Variants in CYP19A1 observed in about 807,000 individuals in gnomAD.
CYP19A1 encodes the protein cytochrome P450 family 19 subfamily A member 1, also known as aromatase.
A neutral mutation model predicts 44.4 loss-of-function variants in CYP19A1; 32 were observed. That is an observed-to-expected ratio of 0.72 (90% CI 0.54 to 0.97). The LOEUF is 0.97. CYP19A1 is among the 50% of genes least tolerant of loss of function. The pLI is 0.00. For missense variants in CYP19A1, 598 were observed against 637.8 expected, an observed-to-expected ratio of 0.94 and a Z score of 0.67; for synonymous variants, 212 against 215.6, an observed-to-expected ratio of 0.98 and a Z score of 0.14.
chr15:51,210,532 G>A lies in CYP19A1; in HGVS notation c.*276C>T. 3.4e-6 allele frequency: 2 copies of A among 594,596 alleles called. No homozygotes were observed. Among genetic ancestry groups the A allele is most frequent in the South Asian group, 3.0e-5 (2 of 65,736 alleles). The allele number at this position is 594,596 out of a possible 1,614,324, so 36.8% of individuals were successfully genotyped here. A position where few individuals can be genotyped will look rare whatever the true frequency, so the allele number is the denominator to read the frequency against. On this transcript the variant is annotated 3_prime_UTR_variant, in exon 10 of 10. Coordinates refer to ENST00000396402, the MANE Select transcript of CYP19A1 (RefSeq NM_000103.4). ...GCCTATCCTTCTCAAAGCACATTTG[G>A]TGGAATCGGGTCTTTATGGATACGG...
At chr15:51,227,737 T>C (rs1306221853) in intron 4 of CYP19A1, 42 bp downstream of exon 4, 1 of 773,846 alleles carries the variant, frequency 1.3e-6, no homozygotes, top group Non-Finnish European at 2.2e-6. Flanking sequence ...AAAGGCACAT[T>C]CATAGACAAA....
chr15:51,335,591 A>G (rs1186478449), intron 1 of CYP19A1, among the ~76,000 whole-genome samples: 1 of 152,234 alleles, frequency 6.6e-6, no homozygotes, highest in African/African-American at 2.4e-5. Context: ...TACATTTTCT[A>G]GAACTCAGCA....
At chr15:51,326,351 G>T (rs2036608335) in intron 1 of CYP19A1, among the ~76,000 whole-genome samples, 1 of 152,176 alleles carries the variant, frequency 6.6e-6, no homozygotes, top group Non-Finnish European at 1.5e-5. Context: ...TGCATGGGCT[G>T]CCTCAGATGT....
chr15:51,324,119 C>A (rs1181825311), intron 1 of CYP19A1, among the ~76,000 whole-genome samples: 1 of 152,156 alleles, frequency 6.6e-6, no homozygotes, highest in African/African-American at 2.4e-5. Flanking sequence ...AGTGTGATGA[C>A]AGGCTTGGTC....
intron 3 of CYP19A1, among the ~76,000 whole-genome samples, chr15:51,228,530 G>A (rs900283046): frequency 2.0e-5 from 3 of 152,196 alleles, no homozygotes; most frequent in South Asian, 2.1e-4. Flanking sequence ...TTCTAGCCCT[G>A]AGCTTGGCCA....
intron 3 of CYP19A1, among the ~76,000 whole-genome samples, chr15:51,233,935 C>T (rs2033210831): frequency 6.6e-6 from 1 of 152,180 alleles, no homozygotes; most frequent in Non-Finnish European, 1.5e-5. Context: ...CCCAGTGGCA[C>T]ACGCGGCATC....
At chr15:51,295,013 G>C (rs1258438728) in intron 1 of CYP19A1, among the ~76,000 whole-genome samples, 4 of 146,254 alleles carry the variant, frequency 2.7e-5, no homozygotes, top group African/African-American at 1.0e-4. Flanking sequence ...AAAAAAAAAA[G>C]AATGCCTGAT....
chr15:51,228,923 T>C (rs2032805959), intron 3 of CYP19A1, among the ~76,000 whole-genome samples: 1 of 151,614 alleles, frequency 6.6e-6, no homozygotes, highest in Admixed American at 6.6e-5. Context: ...TTGCAAGTGG[T>C]TACTATAATA....
chr15:51,211,011 A>C lies in CYP19A1; in HGVS notation c.1309T>G (p.Cys437Gly). The change falls in exon 10 of 10, where the codon TGT (cysteine) becomes GGT (glycine). Residue 437 changes from cysteine (C) to glycine (G), a missense_variant. Coordinates refer to ENST00000396402, the MANE Select transcript of CYP19A1 (RefSeq NM_000103.4). ...FQPFGFGPRG[C>G]AGKYIAMVMM... ...ACCATGGCGATGTACTTTCCTGCAC[A>C]GCCACGGGGCCCAAAGCCAAATGGC... 1 of 1,592,054 alleles carries C rather than the reference A, an allele frequency of 6.3e-7. No individual in the cohort carries two copies. Among genetic ancestry groups the C allele is most frequent in the East Asian group, 2.2e-5 (1 of 44,790 alleles).
At chr15:51,328,867 C>A (rs2036655560) in intron 1 of CYP19A1, among the ~76,000 whole-genome samples, 1 of 152,162 alleles carries the variant, frequency 6.6e-6, no homozygotes, top group South Asian at 2.1e-4. Context: ...AGTTTACTGT[C>A]CCACAAGTAA....
rs2030647334 is a variant in CYP19A1, at chr15:51,208,834, C to A, written c.*1974G>T. 6.8e-6 allele frequency: 1 copy of A among 146,552 alleles called. No individual in the cohort carries two copies. The allele number at this position is 146,552 out of a possible 1,614,324, so 9.1% of individuals were successfully genotyped here. On this transcript the variant is annotated 3_prime_UTR_variant, in exon 10 of 10. Coordinates refer to ENST00000396402, the MANE Select transcript of CYP19A1 (RefSeq NM_000103.4). ...AATAGATATCTATGTACAGCTATAT[C>A]AAACATGCATTTCACTTTGACTGTG...
chr15:51,284,616 G>A (rs1190222549), intron 1 of CYP19A1, among the ~76,000 whole-genome samples: 1 of 152,094 alleles, frequency 6.6e-6, no homozygotes, highest in Non-Finnish European at 1.5e-5. Context: ...AGAAGGACCA[G>A]GAATATAAGA....
At chr15:51,240,765 G>A (rs918009301) in intron 2 of CYP19A1, among the ~76,000 whole-genome samples, 1 of 152,190 alleles carries the variant, frequency 6.6e-6, no homozygotes, top group Non-Finnish European at 1.5e-5. Flanking sequence ...ACTTCCTGGT[G>A]GTCCCCCTAC....
chr15:51,215,625 A>G (rs888407951), intron 7 of CYP19A1, 78 bp downstream of exon 7: 4 of 1,611,596 alleles, frequency 2.5e-6, no homozygotes, highest in Non-Finnish European at 3.4e-6. Context: ...TGCAACAGTT[A>G]CAAAAGGGGA....
intron 2 of CYP19A1, among the ~76,000 whole-genome samples, chr15:51,240,527 C>T (rs1156740636): frequency 6.6e-6 from 1 of 152,098 alleles, no homozygotes; most frequent in African/African-American, 2.4e-5. Flanking sequence ...AACCAAGAAC[C>T]TAGAGAGCCA....
intron 1 of CYP19A1, 199 bp downstream of exon 1, chr15:51,338,296 G>A (rs956910697): frequency 3.9e-5 from 6 of 152,162 alleles, no homozygotes; most frequent in South Asian, 2.1e-4. Context: ...CACTCAAGCA[G>A]TGTTTTCCCT....
At chr15:51,280,293 T>C (rs768261597) in intron 1 of CYP19A1, among the ~76,000 whole-genome samples, 33 of 151,560 alleles carry the variant, frequency 2.2e-4, no homozygotes, top group South Asian at 6.3e-4. Context: ...AGAGACGGGG[T>C]TTCACAGTCT....
intron 1 of CYP19A1, among the ~76,000 whole-genome samples, chr15:51,313,837 G>A (rs2036367451): frequency 6.6e-6 from 1 of 151,766 alleles, no homozygotes; most frequent in African/African-American, 2.4e-5. Flanking sequence ...ACAAGAGCAG[G>A]TTGGGAAAGG....
At chr15:51,289,111 A>G (rs959677941) in intron 1 of CYP19A1, among the ~76,000 whole-genome samples, 7 of 152,180 alleles carry the variant, frequency 4.6e-5, no homozygotes, top group Admixed American at 4.6e-4. Context: ...TGGTGGGTAC[A>G]GGTCCCTGAG....
Sources: gnomAD v4.1 joint callset for allele counts (sites outside exome capture counted in the v4.1 genomes callset) on GRCh38, gnomAD v4.1.1 for gene constraint, MANE v1.5 for transcripts, NCBI Gene and HGNC (gene_info 2026-07-23, HGNC 2026-07-21) for gene names.